CHCHD3: variants seen among roughly 807,000 people sequenced by gnomAD.
The protein encoded by CHCHD3 is MICOS complex subunit MIC19.
In CHCHD3, 20 loss-of-function variants were observed where a neutral mutation model predicts 38.2. That is an observed-to-expected ratio of 0.52 (90% CI 0.37 to 0.76). CHCHD3 has a LOEUF of 0.76. Ranked by LOEUF, CHCHD3 falls within the 30% of genes least tolerant of loss-of-function variation. CHCHD3 has a pLI of 0.00. For synonymous variants in CHCHD3, 82 were observed against 100.0 expected (o/e 0.82, Z 1.07); for missense variants, 245 against 279.2 (o/e 0.88, Z 0.87).
At chr7:132,890,321 GT>G (rs1809329819) in intron 4 of CHCHD3, among the ~76,000 whole-genome samples, 1 of 152,146 alleles carries the variant, frequency 6.6e-6, no homozygotes, top group Non-Finnish European at 1.5e-5. Flanking sequence ...CTATAATAAA[GT>G]TTATACAAGA....
chr7:132,903,721 T>C (rs971149936), intron 4 of CHCHD3, among the ~76,000 whole-genome samples: 7 of 152,226 alleles, frequency 4.6e-5, no homozygotes, highest in Non-Finnish European at 8.8e-5. Flanking sequence ...TAATTACATA[T>C]TGCCTTTCTG....
intron 4 of CHCHD3, among the ~76,000 whole-genome samples, chr7:132,957,565 C>T (rs558722814): frequency 6.6e-6 from 1 of 152,278 alleles, no homozygotes; most frequent in Admixed American, 6.5e-5. Flanking sequence ...TCACTGCAAC[C>T]TCTGCTTCCT....
chr7:132,898,250 G>A (rs1377843913), intron 4 of CHCHD3, among the ~76,000 whole-genome samples: 1 of 152,140 alleles, frequency 6.6e-6, no homozygotes, highest in Non-Finnish European at 1.5e-5. Flanking sequence ...GCTGGCTGGG[G>A]CAGCCTGCTT....
chr7:133,015,929 A>G (rs1813017779), intron 3 of CHCHD3, among the ~76,000 whole-genome samples: 1 of 58,548 alleles, frequency 1.7e-5, no homozygotes, highest in Non-Finnish European at 3.8e-5. Flanking sequence ...TTATGGCCAG[A>G]GAAGGAGGAA....
chr7:133,081,544 T>C (rs1222320045), intron 1 of CHCHD3, among the ~76,000 whole-genome samples: 1 of 152,124 alleles, frequency 6.6e-6, no homozygotes, highest in African/African-American at 2.4e-5. Flanking sequence ...CACCGAGGTA[T>C]GGGTTTCAAA....
At chr7:132,978,766 T>C (rs1051775410) in intron 3 of CHCHD3, among the ~76,000 whole-genome samples, 1 of 152,084 alleles carries the variant, frequency 6.6e-6, no homozygotes, top group Admixed American at 6.6e-5. Context: ...CCCTCCAACA[T>C]CAACACCTAA....
At chr7:132,874,002 C>T (rs1182502662) in intron 5 of CHCHD3, among the ~76,000 whole-genome samples, 1 of 152,124 alleles carries the variant, frequency 6.6e-6, no homozygotes, top group East Asian at 1.9e-4. Flanking sequence ...TAACTTGAGA[C>T]GAGCTGCCCA....
chr7:133,016,117 T>C (rs776860734), intron 3 of CHCHD3, among the ~76,000 whole-genome samples: 6 of 152,186 alleles, frequency 3.9e-5, no homozygotes, highest in Non-Finnish European at 8.8e-5. Context: ...ACATGAGATG[T>C]GGGTGGGGAC....
At chr7:133,045,993 G>A (rs530459326) in intron 2 of CHCHD3, among the ~76,000 whole-genome samples, 53 of 152,292 alleles carry the variant, frequency 3.5e-4, no homozygotes, top group Non-Finnish European at 6.9e-4. Context: ...GCAGACTCAT[G>A]AGCCAATTAA....
At chr7:133,034,883 G>A (rs760480360) in intron 2 of CHCHD3, 1 of 1,610,466 alleles carries the variant, frequency 6.2e-7, no homozygotes, top group Non-Finnish European at 8.5e-7. Flanking sequence ...CCAGTCGCTG[G>A]AACATTCCAG....
chr7:132,900,542 T>C (rs928096122), intron 4 of CHCHD3, among the ~76,000 whole-genome samples: 1 of 152,170 alleles, frequency 6.6e-6, no homozygotes, highest in African/African-American at 2.4e-5. Flanking sequence ...GCCAGCACTT[T>C]CATCTAGTGC....
At chr7:132,824,314 C>CTTTTTTTTTTTTTTTTTTTTT (rs57262694) in intron 6 of CHCHD3, among the ~76,000 whole-genome samples, 1 of 90,090 alleles carries the variant, frequency 1.1e-5, no homozygotes, top group African/African-American at 4.3e-5. Flanking sequence ...TAGTAGAACT[C>CTTTTTTTTTTTTTTTTTTTTT]TTTTTTTTTT....
chr7:133,001,144 C>G (rs562936900), intron 3 of CHCHD3, among the ~76,000 whole-genome samples: 1 of 152,160 alleles, frequency 6.6e-6, no homozygotes, highest in Non-Finnish European at 1.5e-5. Flanking sequence ...ATTCAATGCC[C>G]TCAATCCTTG....
At chr7:132,880,481 G>A (rs1437864395) in intron 5 of CHCHD3, among the ~76,000 whole-genome samples, 1 of 152,106 alleles carries the variant, frequency 6.6e-6, no homozygotes, top group African/African-American at 2.4e-5. Flanking sequence ...GAATTTAAAT[G>A]GCTAGTGAAG....
At chr7:133,039,969 T>C (rs1481203431) in intron 2 of CHCHD3, among the ~76,000 whole-genome samples, 1 of 152,160 alleles carries the variant, frequency 6.6e-6, no homozygotes, top group Non-Finnish European at 1.5e-5. Flanking sequence ...AATCATCAAA[T>C]TATCCAAAAT....
chr7:133,044,711 T>G (rs564981923), intron 2 of CHCHD3, among the ~76,000 whole-genome samples: 9 of 152,242 alleles, frequency 5.9e-5, no homozygotes, highest in Non-Finnish European at 1.2e-4. Context: ...TGGTAATGAT[T>G]AGAAAGCCCA....
At chr7:132,960,339 G>A (rs1811286161) in intron 4 of CHCHD3, among the ~76,000 whole-genome samples, 1 of 152,144 alleles carries the variant, frequency 6.6e-6, no homozygotes, top group Non-Finnish European at 1.5e-5. Flanking sequence ...GTTAGAGATG[G>A]AGCTTGGAAG....
chr7:133,063,179 T>G (rs1487979388), intron 2 of CHCHD3, among the ~76,000 whole-genome samples: 1 of 152,192 alleles, frequency 6.6e-6, no homozygotes, highest in East Asian at 1.9e-4. Context: ...TTTTCTGGAT[T>G]CTCAAAAATA....
intron 6 of CHCHD3, among the ~76,000 whole-genome samples, chr7:132,806,350 A>G (rs569405002): frequency 1.3e-5 from 2 of 152,324 alleles, no homozygotes; most frequent in East Asian, 3.9e-4. Flanking sequence ...GGATGAGGTC[A>G]ATTCCATATC....
Sources: allele counts gnomAD v4.1 joint callset (sites outside exome capture counted in the v4.1 genomes callset), GRCh38; gene constraint gnomAD v4.1.1; transcripts MANE v1.5; gene names NCBI Gene and HGNC (gene_info 2026-07-23, HGNC 2026-07-21).